KCNN2: variants seen among roughly 807,000 people sequenced by gnomAD.
KCNN2 encodes small conductance calcium-activated potassium channel protein 2.
KCNN2 carries 24 observed loss-of-function variants against 55.5 expected under a neutral mutation model. The observed-to-expected ratio is 0.43, with a 90% confidence interval of 0.31 to 0.61. The LOEUF (loss-of-function observed/expected upper bound fraction) is 0.61, where lower values mean the gene tolerates loss of function less well. Among genes scored for constraint, KCNN2 ranks in the 20% least tolerant of loss-of-function variants. The pLI is 0.08. For missense variants in KCNN2, 754 were observed against 853.6 expected, an observed-to-expected ratio of 0.88 and a Z score of 1.45; for synonymous variants, 431 against 336.1, an observed-to-expected ratio of 1.28 and a Z score of -3.09.
At chr5:114,089,621 C>A (rs1043581083) in intron 1 of KCNN2, among the ~76,000 whole-genome samples, 1 of 152,164 alleles carries the variant, frequency 6.6e-6, no homozygotes, top group African/African-American at 2.4e-5. Context: ...GCTGCCTGTG[C>A]CCCCATGAAC....
intron 2 of KCNN2, among the ~76,000 whole-genome samples, chr5:114,272,412 TCTACACA>T (rs559488863): frequency 0.12 from 2,633 of 22,096 alleles, 303 homozygotes; most frequent in Middle Eastern, 0.19. Context: ...TATGTACATA[TCTACACA>T]CATATGTACG....
chr5:114,477,494 C>G (rs1447036905), intron 5 of KCNN2, among the ~76,000 whole-genome samples: 2 of 152,066 alleles, frequency 1.3e-5, no homozygotes, highest in Non-Finnish European at 2.9e-5. Context: ...ACATGACATT[C>G]TGCAATTCAA....
At chr5:114,267,592 A>G (rs1755235939) in intron 2 of KCNN2, among the ~76,000 whole-genome samples, 2 of 152,184 alleles carry the variant, frequency 1.3e-5, no homozygotes, top group South Asian at 2.1e-4. Flanking sequence ...TTATTGTTCT[A>G]TAGTGGCATT....
intron 3 of KCNN2, among the ~76,000 whole-genome samples, chr5:114,451,102 G>C (rs1396723595): frequency 6.6e-6 from 1 of 152,192 alleles, no homozygotes; most frequent in Non-Finnish European, 1.5e-5. Context: ...CTTATTGACA[G>C]ATAAGTCATT....
chr5:114,474,843 A>C (rs1761897709), intron 5 of KCNN2, among the ~76,000 whole-genome samples: 1 of 152,086 alleles, frequency 6.6e-6, no homozygotes, highest in African/African-American at 2.4e-5. Context: ...AGGGAGAAAA[A>C]TACCTTAAAA....
rs1757482485 is a variant in KCNN2, at chr5:114,362,933, C to T, written c.794C>T (p.Ala265Val). 1.3e-6 allele frequency: 2 copies of T among 1,552,150 alleles called. No homozygotes were observed. Among genetic ancestry groups the T allele is most frequent in the Non-Finnish European group, 1.7e-6 (2 of 1,160,256 alleles). ...GGGASSPSAA[A>V]AAAAAVSSSA... ...GGCGCGTCCTCCCCGTCTGCAGCCG[C>T]TGCCGCCGCCGCCGCTGTTTCGTCC... The change falls in exon 1 of 8, where the codon GCT becomes GTT. Residue 265 changes from alanine (A) to valine (V), a missense_variant. Physicochemically the swap from Ala to Val is moderately conservative, Grantham distance 64. This residue lies in a region of KCNN2 where 381 missense variants were observed against 259.1 expected (regional missense o/e 1.47). Transcript: ENST00000673685.
intron 2 of KCNN2, among the ~76,000 whole-genome samples, chr5:114,264,137 T>G (rs1436307520): frequency 6.6e-6 from 1 of 152,194 alleles, no homozygotes; most frequent in Non-Finnish European, 1.5e-5. Context: ...TGTCTTGTAG[T>G]TGGAAACATG....
intron 2 of KCNN2, among the ~76,000 whole-genome samples, chr5:114,338,503 T>C (rs1756961805): frequency 6.6e-6 from 1 of 152,142 alleles, no homozygotes; most frequent in Non-Finnish European, 1.5e-5. Context: ...ACTTTATAGA[T>C]AAAAATGTTG....
At position 114,088,380 on chromosome 5, in the gene KCNN2, G is replaced by GT. The variant is rs982040838; in HGVS notation, c.-271+31890dup. 7.0e-4 allele frequency among the ~76,000 whole-genome samples: 101 copies of GT among 143,942 alleles called. 2 individuals carry two copies. The highest frequency in any genetic ancestry group is 2.4e-3 in the South Asian group (11 of 4,500). The allele number at this position is 143,942 out of a possible 152,430, so 94.4% of individuals were successfully genotyped here. A position where few individuals can be genotyped will look rare whatever the true frequency, so the allele number is the denominator to read the frequency against. On this transcript the variant is annotated intron_variant, in intron 1 of 10. Coordinates refer to the KCNN2 transcript ENST00000512097. ...TATTTTTGTGTGTGTTTATCCTGCTGTTTTTTTTTTGAGCTCATTTTTCTG... is the reference window on the plus strand; with the variant it reads ...TATTTTTGTGTGTGTTTATCCTGCTGTTTTTTTTTTTGAGCTCATTTTTCTG...
At chr5:114,412,117 A>G (rs1229571018) in intron 3 of KCNN2, among the ~76,000 whole-genome samples, 1 of 152,206 alleles carries the variant, frequency 6.6e-6, no homozygotes, top group Non-Finnish European at 1.5e-5. Context: ...GCACTAATTT[A>G]TAGAGGATAT....
intron 6 of KCNN2, among the ~76,000 whole-genome samples, chr5:114,492,887 T>G (rs1341543514): frequency 1.0e-5 from 1 of 95,706 alleles, no homozygotes; most frequent in Non-Finnish European, 2.2e-5. Context: ...TGAATAAAAG[T>G]TTTTTTTTTT....
intron 1 of KCNN2, among the ~76,000 whole-genome samples, chr5:114,089,995 A>G (rs1751102501): frequency 1.3e-5 from 2 of 152,154 alleles, no homozygotes; most frequent in Non-Finnish European, 2.9e-5. Flanking sequence ...TGGTCTGGAT[A>G]TTTATTCTCA....
chr5:114,298,639 A>G (rs1292571944), intron 2 of KCNN2, among the ~76,000 whole-genome samples: 2 of 152,246 alleles, frequency 1.3e-5, no homozygotes, highest in Non-Finnish European at 2.9e-5. Flanking sequence ...ATAGAAACCA[A>G]GAATCAAATT....
intron 1 of KCNN2, among the ~76,000 whole-genome samples, chr5:114,143,658 C>G (rs1752336012): frequency 6.6e-6 from 1 of 152,162 alleles, no homozygotes; most frequent in African/African-American, 2.4e-5. Flanking sequence ...GACTGCACGT[C>G]CATTCATAGG....
chr5:114,229,813 T>C (rs1018976755), intron 2 of KCNN2, among the ~76,000 whole-genome samples: 1 of 151,902 alleles, frequency 6.6e-6, no homozygotes, highest in Non-Finnish European at 1.5e-5. Context: ...GTGGTGAAAA[T>C]GGGACAAAGA....
intron 4 of KCNN2, among the ~76,000 whole-genome samples, chr5:114,471,533 A>AGAT (rs948729405): frequency 2.0e-5 from 3 of 152,182 alleles, no homozygotes; most frequent in African/African-American, 7.2e-5. Flanking sequence ...TCCTAAATAT[A>AGAT]GATATAGATA....
At chr5:114,460,467 C>G (rs1159881794) in intron 3 of KCNN2, among the ~76,000 whole-genome samples, 1 of 152,122 alleles carries the variant, frequency 6.6e-6, no homozygotes, top group Non-Finnish European at 1.5e-5. Context: ...TGGTCCCGAA[C>G]TCCTGACCTC....
intron 1 of KCNN2, among the ~76,000 whole-genome samples, chr5:114,071,435 T>TTTGTGA: frequency 6.6e-6 from 1 of 152,322 alleles, no homozygotes; most frequent in South Asian, 2.1e-4. Flanking sequence ...TGAAAAAACT[T>TTTGTGA]AGGTCACATG....
chr5:114,136,483 G>A (rs572386174), intron 1 of KCNN2, among the ~76,000 whole-genome samples: 1 of 152,240 alleles, frequency 6.6e-6, no homozygotes, highest in South Asian at 2.1e-4. Context: ...TTCTAAATAG[G>A]ATTATTTAAT....
Sources: gnomAD v4.1 joint callset for allele counts (sites outside exome capture counted in the v4.1 genomes callset) on GRCh38, gnomAD v4.1.1 for gene constraint, gnomAD v4.1.1 regional missense constraint, MANE v1.5 for transcripts, NCBI Gene and HGNC (gene_info 2026-07-23, HGNC 2026-07-21) for gene names.